The following DLL4 variants were observed in gnomAD, a reference collection of about 807,000 sequenced individuals.
DLL4 encodes the protein delta-like protein 4.
Under a neutral mutation model 73.6 loss-of-function variants are expected in DLL4, and 7 were observed. That is an observed-to-expected ratio of 0.10 (90% confidence interval 0.05 to 0.18). The LOEUF (loss-of-function observed/expected upper bound fraction) is 0.18, where lower values mean the gene tolerates loss of function less well. Ranked by LOEUF, DLL4 falls within the 10% of genes least tolerant of loss-of-function variation. DLL4 has a pLI of 1.00. For synonymous variants in DLL4, 345 were observed against 374.3 expected (o/e 0.92, Z 0.90); for missense variants, 614 against 929.9 (o/e 0.66, Z 4.42).
chr15:40,935,592 C>A (rs1265012640), intron 8 of DLL4, among the ~76,000 whole-genome samples: 1 of 152,196 alleles, frequency 6.6e-6, no homozygotes, highest in Non-Finnish European at 1.5e-5. Context: ...CCTTGTCTAT[C>A]TGGCTCCCAG....
Position 40,932,072 on chromosome 15 carries a change from G to A in DLL4, c.659-99G>A, listed in dbSNP as rs748363626. ...CTGGGAGGCCAGGAGTAGGAAGAGGGCCCAGGAGAGCTAGGGGATCCCCAG... is the reference window on the plus strand; with the variant it reads ...CTGGGAGGCCAGGAGTAGGAAGAGGACCCAGGAGAGCTAGGGGATCCCCAG... On this transcript the variant is annotated intron_variant, in intron 4 of 10. Transcript: ENST00000249749. The A allele has an allele frequency of 1.4e-4, 194 of 1,402,850 alleles. 1 individual carries two copies. The highest frequency in any genetic ancestry group is 1.9e-4 in the Non-Finnish European group (188 of 1,007,038). 86.9% of individuals were successfully genotyped at this position (1,402,850 alleles called of 1,614,324 possible).
At position 40,934,854 on chromosome 15, in the gene DLL4, GC is replaced by G. The variant is rs745408873; in HGVS notation, c.1021-38del. On this transcript the variant is annotated intron_variant, in intron 7 of 10. Transcript: ENST00000249749. ...GCCCAGCCTTCAGTCACACATCCCT[GC>G]CCCCCAGGGTCTGACTTTGGCCCCT... The G allele has an allele frequency of 3.1e-6, 5 of 1,599,268 alleles. No individual in the cohort carries two copies. The South Asian group carries it at 5.5e-5, about 18-fold the overall frequency.
In DLL4 at chr15:40,929,550, C is replaced by A; in HGVS notation, c.-119C>A. On this transcript the variant is annotated 5_prime_UTR_variant, in exon 1 of 11. Transcript: ENST00000249749. The surrounding 1 kb of genome is among the most constrained non-coding windows in gnomAD (Gnocchi z 7.1). Reference sequence around the variant, plus strand: ...CAGCGAGAAGGCCAAAGGGGAGCAGCGTCCCGAGAGGAGCGCCTCTTTTCA... The same window carrying A: ...CAGCGAGAAGGCCAAAGGGGAGCAGAGTCCCGAGAGGAGCGCCTCTTTTCA... The A allele has an allele frequency of 2.2e-6, 2 of 927,504 alleles. No individual in the cohort carries two copies. Among genetic ancestry groups the A allele is most frequent in the Non-Finnish European group, 3.1e-6 (2 of 638,424 alleles). The allele number at this position is 927,504 out of a possible 1,614,324, so 57.5% of individuals were successfully genotyped here.
chr15:40,930,224 A>ATG lies in DLL4; in HGVS notation c.336+108_336+109insTG. The ATG allele has an allele frequency of 7.5e-7, 1 of 1,339,584 alleles. No individual in the cohort carries two copies. Among genetic ancestry groups the ATG allele is most frequent in the Non-Finnish European group, 1.0e-6 (1 of 986,818 alleles). The allele number at this position is 1,339,584 out of a possible 1,614,324, so 83.0% of individuals were successfully genotyped here. A position where few individuals can be genotyped will look rare whatever the true frequency, so the allele number is the denominator to read the frequency against. ...CCTTGTACACACACCCCCACCCCCA[A>ATG]AAAGCCCAGGATGCATTCTTTCCTG... is the stretch of plus-strand genomic sequence containing the variant. On this transcript the variant is annotated intron_variant, in intron 2 of 10. Transcript: ENST00000249749. This position sits in a 1 kb window ranked among gnomAD's most constrained non-coding sequence, Gnocchi z 5.7.
In DLL4 at chr15:40,933,110, A is replaced by C. The variant is rs564733888; in HGVS notation, c.850+663A>C. ...TGCATCCTGCTAGCCAGCTGCAGCC[A>C]GCTGCAGCTCCCATTTTCAGGATCA... On this transcript the variant is annotated intron_variant, in intron 6 of 10. Coordinates refer to ENST00000249749, the MANE Select transcript of DLL4 (RefSeq NM_019074.4). Among the ~76,000 whole-genome samples, 17 of 149,042 alleles carry C rather than the reference A, an allele frequency of 1.1e-4. No individual in the cohort carries two copies. The South Asian group carries it at 3.5e-3, about 31-fold the overall frequency.
chr15:40,934,960 C>T lies in DLL4; in HGVS notation c.1083C>T (p.His361=). 1 of 1,613,756 alleles carries T rather than the reference C, an allele frequency of 6.2e-7. No individual in the cohort carries two copies. The highest frequency in any genetic ancestry group is 8.5e-7 in the Non-Finnish European group (1 of 1,179,902). ...PPGYYGLHCE[H]STLSCADSPC... is the part of the protein sequence containing the mutation. ...GCTACTATGGCCTGCATTGTGAACACAGCACCTTGAGCTGCGCCGACTCCC... is the reference window on the plus strand; with the variant it reads ...GCTACTATGGCCTGCATTGTGAACATAGCACCTTGAGCTGCGCCGACTCCC... The change falls in exon 8 of 11, where the codon CAC becomes CAT. Residue 361 remains histidine (H), a synonymous_variant. Coordinates refer to ENST00000249749, the MANE Select transcript of DLL4 (RefSeq NM_019074.4).
Position 40,936,214 on chromosome 15 carries a change from A to T in DLL4, c.1241-14A>T. 6.4e-7 allele frequency: 1 copy of T among 1,556,792 alleles called. No individual in the cohort carries two copies. Among genetic ancestry groups the T allele is most frequent in the Non-Finnish European group, 8.7e-7 (1 of 1,154,082 alleles). On this transcript the variant is annotated splice_polypyrimidine_tract_variant and intron_variant, in intron 8 of 10. Transcript: ENST00000249749. ...CCAGGCTATCACTGACTTGTGTCTC[A>T]TGCGTCCTCACAGGGGGACAGTGCC...
chr15:40,936,960 G>C (rs371119627), intron 9 of DLL4, 30 bp downstream of exon 9: 1 of 1,525,850 alleles, frequency 6.6e-7, no homozygotes, highest in South Asian at 1.3e-5. Flanking sequence ...CCAGGGCCTG[G>C]CCACCGGCCC....
chr15:40,934,426 C>A lies in DLL4; in HGVS notation c.851-122C>A, dbSNP rs574590166. 4.7e-6 allele frequency: 4 copies of A among 850,916 alleles called. No homozygotes were observed. In the Admixed American group the frequency reaches 9.1e-5, roughly 19 times the overall value. The allele number at this position is 850,916 out of a possible 1,614,324, so 52.7% of individuals were successfully genotyped here. A position where few individuals can be genotyped will look rare whatever the true frequency, so the allele number is the denominator to read the frequency against. ...TGGTGGTGGAGGAAGGATGTTTGGGCCTGGGAGACTTTGAGTTGAGGTGTC... is the reference window on the plus strand; with the variant it reads ...TGGTGGTGGAGGAAGGATGTTTGGGACTGGGAGACTTTGAGTTGAGGTGTC... On this transcript the variant is annotated intron_variant, in intron 6 of 10. Transcript: ENST00000249749.
In DLL4 at chr15:40,936,512, C is replaced by T; in HGVS notation, c.1525C>T (p.Pro509Ser). ...CACAGACACCTTTGTGTGCAACTGC[C>T]CTTATGGCTTTGTGGGCAGCCGCTG... is the stretch of plus-strand genomic sequence containing the variant. ...LSTDTFVCNC[P>S]YGFVGSRCEF... The change falls in exon 9 of 11, where the codon CCT (proline) becomes TCT (serine). Residue 509 changes from proline (P) to serine (S), a missense_variant. Physicochemically the swap from Pro to Ser is moderately conservative, Grantham distance 74. Around this residue, in one of 3 missense-constraint regions of DLL4, gnomAD observed 386 missense variants for 541.3 expected, o/e 0.71. Coordinates refer to ENST00000249749, the MANE Select transcript of DLL4 (RefSeq NM_019074.4). The T allele has an allele frequency of 6.2e-7, 1 of 1,611,916 alleles. No homozygotes were observed.
At chr15:40,934,766 G>A (rs750099885) in intron 7 of DLL4, 49 bp downstream of exon 7, 1 of 1,599,162 alleles carries the variant, frequency 6.3e-7, no homozygotes, top group Non-Finnish European at 8.5e-7. Flanking sequence ...GTGGTGTCTG[G>A]GCATCCCTAA....
chr15:40,937,541 C>T lies in DLL4; in HGVS notation c.2052+15C>T, dbSNP rs565496954. 18 of 1,564,408 alleles carry T rather than the reference C, an allele frequency of 1.2e-5. No individual in the cohort carries two copies. Among genetic ancestry groups the T allele is most frequent in the African/African-American group, 6.8e-5 (5 of 73,964 alleles). On this transcript the variant is annotated intron_variant, in intron 10 of 10. Coordinates refer to ENST00000249749, the MANE Select transcript of DLL4 (RefSeq NM_019074.4). ...TTGCCACGGAGGTGAGTGCTGGGCT[C>T]GCCTTTCCTTCTGCCTTTTGTGGGA... is the stretch of plus-strand genomic sequence containing the variant.
intron 6 of DLL4, among the ~76,000 whole-genome samples, chr15:40,933,724 T>C (rs114916953): frequency 9.5e-4 from 144 of 152,244 alleles, no homozygotes; most frequent in African/African-American, 3.3e-3. Context: ...TGGCAGTTTG[T>C]GAGTTTCCCT....
chr15:40,932,115 GGGGCTTAAGAGTCCTT>G, intron 4 of DLL4, 40 bp from the exon 5 acceptor site: 1 of 1,601,222 alleles, frequency 6.2e-7, no homozygotes, highest in Admixed American at 1.7e-5. Flanking sequence ...AGGTGAGAAT[GGGGCTTAAGAGTCCTT>G]GGTATCCCAG....
At chr15:40,937,386 C>A (rs1484880856) in intron 9 of DLL4, 32 bp from the exon 10 acceptor site, 2 of 1,496,126 alleles carry the variant, frequency 1.3e-6, no homozygotes, top group Non-Finnish European at 1.9e-6. Flanking sequence ...CTCCCCGTCC[C>A]TCCCTTACAC....
intron 9 of DLL4, 86 bp from the exon 10 acceptor site, chr15:40,937,332 C>T: frequency 1.1e-6 from 1 of 925,422 alleles, no homozygotes. Flanking sequence ...AACCACCCTG[C>T]AGATGCCCTT....
chr15:40,935,852 G>A (rs745315609), intron 8 of DLL4, among the ~76,000 whole-genome samples: 3 of 152,086 alleles, frequency 2.0e-5, no homozygotes, highest in Admixed American at 6.5e-5. Context: ...GTACCTTCCC[G>A]GCTATCCTAT....
intron 4 of DLL4, 137 bp from the exon 5 acceptor site, chr15:40,932,034 A>T: frequency 1.9e-6 from 2 of 1,044,926 alleles, no homozygotes; most frequent in South Asian, 3.1e-5. Context: ...ACTTTAAGAC[A>T]CTCGGGGCTC....
At chr15:40,933,080 T>C (rs1028717648) in intron 6 of DLL4, among the ~76,000 whole-genome samples, 10 of 152,210 alleles carry the variant, frequency 6.6e-5, no homozygotes, top group Non-Finnish European at 8.8e-5. Context: ...GGAAGCCTTT[T>C]TTCTTGCATC....
Sources: allele counts gnomAD v4.1 joint callset (sites outside exome capture counted in the v4.1 genomes callset), GRCh38; gene constraint gnomAD v4.1.1; regional missense constraint gnomAD v4.1.1; non-coding constraint Gnocchi (gnomAD v3.1); transcripts MANE v1.5; gene names NCBI Gene and HGNC (gene_info 2026-07-23, HGNC 2026-07-21).